Variants in TLK2 observed in about 807,000 individuals in gnomAD.
TLK2 encodes the protein tousled like kinase 2, also known as serine/threonine-protein kinase tousled-like 2.
A neutral mutation model predicts 117.3 loss-of-function variants in TLK2; 6 were observed. The ratio of observed to expected loss-of-function variants is 0.05; its 90% CI spans 0.03 to 0.10. The LOEUF is 0.10. TLK2 is among the 10% of genes least tolerant of loss of function. TLK2 has a pLI of 1.00. For synonymous variants in TLK2, 257 were observed against 316.7 expected, an observed-to-expected ratio of 0.81 and a Z score of 2.00; for missense variants, 299 against 901.2, an observed-to-expected ratio of 0.33 and a Z score of 8.56.
chr17:62,606,030 T>G, intron 19 of TLK2, 100 bp from the exon 20 acceptor site: 6 of 392,008 alleles, frequency 1.5e-5, no homozygotes, highest in Non-Finnish European at 1.7e-5. Flanking sequence ...AAAAAAACGA[T>G]ATTTCTATTT....
At chr17:62,586,083 AC>A in intron 15 of TLK2, 51 bp from the exon 16 acceptor site, 1 of 1,365,914 alleles carries the variant, frequency 7.3e-7, no homozygotes, top group East Asian at 2.3e-5. Flanking sequence ...CACATCAGTT[AC>A]CTGTAATTTT....
At chr17:62,482,453 G>GT (rs539773483) in intron 2 of TLK2, among the ~76,000 whole-genome samples, 47,324 of 139,504 alleles carry the variant, frequency 0.34, 8,008 homozygotes, top group Admixed American at 0.4. Flanking sequence ...ATAGGGTTTT[G>GT]TTTTTTTTTT....
intron 16 of TLK2, among the ~76,000 whole-genome samples, chr17:62,587,866 T>TG (rs2081745656): frequency 6.6e-6 from 1 of 152,044 alleles, no homozygotes; most frequent in Non-Finnish European, 1.5e-5. Flanking sequence ...ACTACTGTAT[T>TG]GAGACCCTAA....
intron 9 of TLK2, among the ~76,000 whole-genome samples, chr17:62,555,003 GAT>G (rs2078745416): frequency 6.6e-6 from 1 of 150,706 alleles, no homozygotes; most frequent in Non-Finnish European, 1.5e-5. Flanking sequence ...GTTTGAAGTA[GAT>G]ATGTGTGTGT....
intron 2 of TLK2, among the ~76,000 whole-genome samples, chr17:62,515,992 T>G (rs1479007658): frequency 1.3e-5 from 2 of 152,102 alleles, no homozygotes; most frequent in Non-Finnish European, 2.9e-5. Flanking sequence ...TGGCGCGATT[T>G]CAGCTCACTG....
intron 2 of TLK2, among the ~76,000 whole-genome samples, chr17:62,488,028 C>G (rs911148915): frequency 6.6e-5 from 10 of 152,114 alleles, no homozygotes; most frequent in African/African-American, 2.4e-4. Context: ...CAATCTCCAC[C>G]TCCCGGGTTC....
chr17:62,501,678 G>A (rs1157501274), intron 2 of TLK2, among the ~76,000 whole-genome samples: 1 of 152,002 alleles, frequency 6.6e-6, no homozygotes, highest in Non-Finnish European at 1.5e-5. Context: ...CTTCCCACAA[G>A]GCCAGGCACG....
At chr17:62,605,780 G>A (rs1017501618) in intron 19 of TLK2, among the ~76,000 whole-genome samples, 2 of 152,028 alleles carry the variant, frequency 1.3e-5, no homozygotes, top group African/African-American at 4.8e-5. Flanking sequence ...CGAGCTGGGA[G>A]GATCACTTGA....
intron 9 of TLK2, 136 bp downstream of exon 9, chr17:62,553,891 T>C: frequency 1.7e-6 from 1 of 594,964 alleles, no homozygotes; most frequent in South Asian, 2.1e-5. Flanking sequence ...TTTCTTTAAT[T>C]GAGGGAATCT....
intron 2 of TLK2, chr17:62,508,609 A>G: frequency 7.5e-6 from 7 of 938,434 alleles, no homozygotes; most frequent in Non-Finnish European, 8.9e-6. Flanking sequence ...AGTTATATGA[A>G]AGTCTCAATG....
At chr17:62,597,115 AT>A (rs1237826035) in intron 17 of TLK2, 1 of 155,460 alleles carries the variant, frequency 6.4e-6, no homozygotes, top group South Asian at 2.0e-4. Context: ...CAATTTTAGA[AT>A]TTTTTCACCA....
chr17:62,491,008 C>T (rs1432590951), intron 2 of TLK2, among the ~76,000 whole-genome samples: 2 of 152,184 alleles, frequency 1.3e-5, no homozygotes, highest in African/African-American at 4.8e-5. Context: ...GTAGCTAAGA[C>T]AACAGGCATG....
At chr17:62,582,092 A>G (rs938966411) in intron 15 of TLK2, among the ~76,000 whole-genome samples, 2 of 152,166 alleles carry the variant, frequency 1.3e-5, no homozygotes, top group Non-Finnish European at 2.9e-5. Flanking sequence ...ACAAAGAAAG[A>G]AAAGAAAAAT....
chr17:62,542,630 C>G (rs1424734015), intron 7 of TLK2, among the ~76,000 whole-genome samples: 2 of 152,270 alleles, frequency 1.3e-5, no homozygotes, highest in East Asian at 1.9e-4. Context: ...ATGATTGTTT[C>G]ATTGTTTGGC....
At chr17:62,531,041 A>C (rs542357224) in intron 6 of TLK2, among the ~76,000 whole-genome samples, 4 of 152,070 alleles carry the variant, frequency 2.6e-5, no homozygotes, top group African/African-American at 9.6e-5. Context: ...GTCTTTAGCT[A>C]TGGTGTTCTG....
Position 62,605,188 on chromosome 17 carries a change from G to A in TLK2, c.1860-942G>A, listed in dbSNP as rs564559362. Reference sequence around the variant, plus strand: ...TAAAAATACAAAAAATTAGCCCAGCGTGGTGGCACACGCCTGTAATCCCAG... The same window carrying A: ...TAAAAATACAAAAAATTAGCCCAGCATGGTGGCACACGCCTGTAATCCCAG... On this transcript the variant is annotated intron_variant, in intron 19 of 21. Coordinates refer to ENST00000346027, the MANE Select transcript of TLK2 (RefSeq NM_006852.6). 5.9e-5 allele frequency among the ~76,000 whole-genome samples: 9 copies of A among 152,194 alleles called. No individual in the cohort carries two copies. The South Asian group carries it at 8.3e-4, about 14-fold the overall frequency.
upstream of TLK2, among the ~76,000 whole-genome samples, chr17:62,476,017 AC>A (rs2071035329): frequency 6.6e-6 from 1 of 151,422 alleles, no homozygotes. Flanking sequence ...TCACTCTGTC[AC>A]CCAGAATGGA....
rs779226351 is a variant in TLK2, at chr17:62,552,327, C to T, written c.557C>T (p.Thr186Met). 42 of 1,613,170 alleles carry T rather than the reference C, an allele frequency of 2.6e-5. No individual in the cohort carries two copies. Among genetic ancestry groups the T allele is most frequent in the Non-Finnish European group, 2.9e-5 (34 of 1,179,584 alleles). Residue 186 changes from threonine to methionine, a missense_variant, in exon 8 of 22, where the codon ACG becomes ATG. Thr to Met is a moderately conservative substitution (Grantham distance 81, BLOSUM62 -1). Coordinates refer to ENST00000346027, the MANE Select transcript of TLK2 (RefSeq NM_006852.6). ...VSAQQNSPSS[T>M]GSGNTEHSCS... ...GCTCAGCAAAACAGTCCCTCATCTA[C>T]GGGATCTGGCAACACAGAGCATTCC...
chr17:62,559,647 G>A (rs573126509), intron 9 of TLK2, among the ~76,000 whole-genome samples: 2 of 152,092 alleles, frequency 1.3e-5, no homozygotes, highest in South Asian at 4.2e-4. Context: ...CAAAGTGCTA[G>A]GATTGCACGC....
Sources: gnomAD v4.1 joint callset for allele counts (sites outside exome capture counted in the v4.1 genomes callset) on GRCh38, gnomAD v4.1.1 for gene constraint, MANE v1.5 for transcripts, NCBI Gene and HGNC (gene_info 2026-07-23, HGNC 2026-07-21) for gene names.